PPP2R3A: variants seen among roughly 807,000 people sequenced by gnomAD.
PPP2R3A encodes serine/threonine-protein phosphatase 2A regulatory subunit B'' subunit alpha.
Under a neutral mutation model 106.9 loss-of-function variants are expected in PPP2R3A, and 80 were observed. The observed-to-expected ratio is 0.75, with a 90% CI of 0.62 to 0.90. The LOEUF (loss-of-function observed/expected upper bound fraction) is 0.90, where lower values mean the gene tolerates loss of function less well. PPP2R3A is among the 40% of genes least tolerant of loss of function. The pLI is 0.00. For missense variants in PPP2R3A, 1,386 were observed against 1,350.4 expected (o/e 1.03, Z -0.41); for synonymous variants, 483 against 468.3 (o/e 1.03, Z -0.41).
At chr3:136,008,482 G>C (rs191244750) in intron 2 of PPP2R3A, among the ~76,000 whole-genome samples, 1 of 152,130 alleles carries the variant, frequency 6.6e-6, no homozygotes, top group African/African-American at 2.4e-5. Context: ...CTGACGTCAG[G>C]TACCTTTGCA....
intron 3 of PPP2R3A, among the ~76,000 whole-genome samples, chr3:136,038,806 G>A (rs1935166145): frequency 6.6e-6 from 1 of 152,172 alleles, no homozygotes; most frequent in Non-Finnish European, 1.5e-5. Flanking sequence ...TACAGCCAGA[G>A]TATATTAATT....
intron 4 of PPP2R3A, among the ~76,000 whole-genome samples, chr3:136,043,113 G>A (rs1935345131): frequency 6.6e-6 from 1 of 151,786 alleles, no homozygotes; most frequent in Non-Finnish European, 1.5e-5. Flanking sequence ...ATTTGCTCCA[G>A]TAGCTCTACA....
chr3:136,040,254 G>A (rs1935220597), intron 3 of PPP2R3A, among the ~76,000 whole-genome samples: 1 of 152,112 alleles, frequency 6.6e-6, no homozygotes, highest in Non-Finnish European at 1.5e-5. Flanking sequence ...TTATAAGAGT[G>A]GTAAGCCAAG....
intron 6 of PPP2R3A, among the ~76,000 whole-genome samples, chr3:136,075,367 A>G (rs1022328088): frequency 2.6e-5 from 4 of 152,158 alleles, no homozygotes; most frequent in African/African-American, 9.7e-5. Flanking sequence ...TAGAAAAACA[A>G]TAATTAGTGT....
At chr3:136,062,752 A>G (rs894417522) in intron 5 of PPP2R3A, among the ~76,000 whole-genome samples, 5 of 151,924 alleles carry the variant, frequency 3.3e-5, no homozygotes, top group African/African-American at 9.7e-5. Context: ...AAACAAGGCT[A>G]TGATGAAGCC....
chr3:136,126,252 G>A (rs1386901457), intron 13 of PPP2R3A, among the ~76,000 whole-genome samples: 1 of 152,202 alleles, frequency 6.6e-6, no homozygotes, highest in East Asian at 1.9e-4. Flanking sequence ...CTGGAAAAAC[G>A]GGACACTCAC....
intron 8 of PPP2R3A, among the ~76,000 whole-genome samples, chr3:136,084,341 C>T (rs1372164408): frequency 4.6e-5 from 7 of 152,204 alleles, no homozygotes. Flanking sequence ...GTGGCGTCCA[C>T]GTGGTGTTGG....
intron 5 of PPP2R3A, among the ~76,000 whole-genome samples, chr3:136,067,277 A>G (rs1936288226): frequency 3.3e-5 from 5 of 152,240 alleles, no homozygotes; most frequent in Admixed American, 3.3e-4. Flanking sequence ...AAGGACTAAC[A>G]GGGACTGGAT....
Position 136,145,904 on chromosome 3 carries a change from TTAAC to T in PPP2R3A, c.*740_*743del, listed in dbSNP as rs1457202505. On this transcript the variant is annotated 3_prime_UTR_variant, in exon 14 of 14. Transcript: ENST00000264977. The stretch of plus-strand genomic sequence containing the variant: ...TGACTCATACTTGGAAAAAGCCCTT[TTAAC>T]TTTTATCTTTTATTCATTGAACTAT... 1 of 151,978 alleles carries T rather than the reference TTAAC, an allele frequency of 6.6e-6. No homozygotes were observed. Among genetic ancestry groups the T allele is most frequent in the African/African-American group, 2.4e-5 (1 of 41,370 alleles). 9.4% of individuals were successfully genotyped at this position (151,978 alleles called of 1,614,324 possible).
At chr3:135,992,290 C>A (rs1030189050) in intron 1 of PPP2R3A, among the ~76,000 whole-genome samples, 3 of 152,074 alleles carry the variant, frequency 2.0e-5, no homozygotes, top group African/African-American at 7.2e-5. Flanking sequence ...ATCATTACAC[C>A]TTGTGTTCTC....
intron 3 of PPP2R3A, among the ~76,000 whole-genome samples, chr3:136,035,244 C>G (rs568555591): frequency 2.0e-5 from 3 of 152,240 alleles, no homozygotes; most frequent in South Asian, 4.1e-4. Context: ...AGGTACCATT[C>G]CATTCATCAT....
rs558619457 is a variant in PPP2R3A, at chr3:136,045,106, C to T, written c.2366+4144C>T. Among the ~76,000 whole-genome samples, 44 of 152,300 alleles carry T rather than the reference C, an allele frequency of 2.9e-4. No individual in the cohort carries two copies. In the East Asian group the frequency reaches 3.7e-3, roughly 13 times the overall value. ...GGCTGTCTTTCCCACAGGACCAGGG[C>T]GTATCTGATCCATGCACTCCCCTGT... On this transcript the variant is annotated intron_variant, in intron 4 of 13. Coordinates refer to ENST00000264977, the MANE Select transcript of PPP2R3A (RefSeq NM_002718.5).
Position 136,001,388 on chromosome 3 carries a change from A to G in PPP2R3A, c.-111A>G. 1 of 945,250 alleles carries G rather than the reference A, an allele frequency of 1.1e-6. No individual in the cohort carries two copies. Among genetic ancestry groups the G allele is most frequent in the Non-Finnish European group, 1.6e-6 (1 of 628,098 alleles). The allele number at this position is 945,250 out of a possible 1,614,324, so 58.6% of individuals were successfully genotyped here. On this transcript the variant is annotated 5_prime_UTR_variant, in exon 2 of 14. Coordinates refer to ENST00000264977, the MANE Select transcript of PPP2R3A (RefSeq NM_002718.5). Reference sequence around the variant, plus strand: ...GGAAAAGCCATTATATTTGGAAGAAACCACTGAACATTGTTATTAAATATA... The same window carrying G: ...GGAAAAGCCATTATATTTGGAAGAAGCCACTGAACATTGTTATTAAATATA...
chr3:135,994,970 T>C (rs1360226692), intron 1 of PPP2R3A, among the ~76,000 whole-genome samples: 2 of 152,214 alleles, frequency 1.3e-5, no homozygotes, highest in African/African-American at 2.4e-5. Flanking sequence ...TAGCAGTTTA[T>C]TGTGGAGCTT....
At chr3:136,038,452 AT>A (rs1224713713) in intron 3 of PPP2R3A, among the ~76,000 whole-genome samples, 1 of 152,130 alleles carries the variant, frequency 6.6e-6, no homozygotes, top group Non-Finnish European at 1.5e-5. Context: ...AGAGAATGAA[AT>A]TTGCTTAGTT....
intron 13 of PPP2R3A, among the ~76,000 whole-genome samples, chr3:136,117,484 A>G (rs1211695356): frequency 6.6e-6 from 1 of 152,242 alleles, no homozygotes; most frequent in Non-Finnish European, 1.5e-5. Context: ...ACCTCTAGCC[A>G]GACTAATAAA....
intron 3 of PPP2R3A, among the ~76,000 whole-genome samples, chr3:136,039,562 C>T (rs1040441771): frequency 2.0e-5 from 3 of 152,100 alleles, no homozygotes; most frequent in Non-Finnish European, 4.4e-5. Flanking sequence ...AGATCCCTTG[C>T]ATGCACAGTT....
intron 13 of PPP2R3A, among the ~76,000 whole-genome samples, chr3:136,131,982 G>T (rs1319194087): frequency 1.3e-5 from 2 of 149,778 alleles, no homozygotes; most frequent in African/African-American, 4.9e-5. Context: ...TGGACACAGG[G>T]CGGGGAACAT....
intron 2 of PPP2R3A, among the ~76,000 whole-genome samples, chr3:136,010,302 AG>A (rs1283241209): frequency 7.6e-6 from 1 of 131,032 alleles, no homozygotes; most frequent in Non-Finnish European, 1.5e-5. Flanking sequence ...TCTATTGCCC[AG>A]GCTGGAGTGC....
Sources: gnomAD v4.1 joint callset for allele counts (sites outside exome capture counted in the v4.1 genomes callset) on GRCh38, gnomAD v4.1.1 for gene constraint, MANE v1.5 for transcripts, NCBI Gene and HGNC (gene_info 2026-07-23, HGNC 2026-07-21) for gene names.